The following MALRD1 variants were observed in gnomAD, a reference collection of about 807,000 sequenced individuals.
MALRD1 encodes MAM and LDL-receptor class A domain-containing protein 1.
A neutral mutation model predicts 242.1 loss-of-function variants in MALRD1; 247 were observed. The observed-to-expected ratio is 1.02, with a 90% CI of 0.92 to 1.13. MALRD1 has a LOEUF of 1.13. Among genes scored for constraint, MALRD1 ranks in the 50% most tolerant of loss-of-function variants. The pLI is 0.00. For missense variants in MALRD1, 2,989 were observed against 2,533.1 expected (o/e 1.18, Z -3.86); for synonymous variants, 995 against 866.6 (o/e 1.15, Z -2.60).
At chr10:19,480,588 T>G (rs1049746605) in intron 29 of MALRD1, among the ~76,000 whole-genome samples, 37 of 152,210 alleles carry the variant, frequency 2.4e-4, no homozygotes, top group Admixed American at 9.8e-4. Context: ...GACATTTATT[T>G]TAAAATGGTA....
At chr10:19,564,793 G>C (rs1359279376) in intron 32 of MALRD1, among the ~76,000 whole-genome samples, 1 of 152,058 alleles carries the variant, frequency 6.6e-6, no homozygotes, top group Non-Finnish European at 1.5e-5. Flanking sequence ...ACATTTAAAA[G>C]TTATTAAAAT....
chr10:19,340,257 C>G (rs1176863995), intron 24 of MALRD1, among the ~76,000 whole-genome samples: 2 of 152,102 alleles, frequency 1.3e-5, no homozygotes, highest in Non-Finnish European at 2.9e-5. Flanking sequence ...AAACATTTAT[C>G]CCATGTGTTA....
chr10:19,156,480 G>C (rs1233258288), intron 12 of MALRD1, among the ~76,000 whole-genome samples: 4 of 86,388 alleles, frequency 4.6e-5, no homozygotes, highest in Non-Finnish European at 9.6e-5. Context: ...TTTTTTTTTT[G>C]AGGGGAAACT....
chr10:19,583,686 T>C (rs1589266656), intron 33 of MALRD1, among the ~76,000 whole-genome samples: 1 of 152,178 alleles, frequency 6.6e-6, no homozygotes, highest in Non-Finnish European at 1.5e-5. Context: ...TAAAATTCTC[T>C]TTTTTGGTTG....
chr10:19,625,884 T>C (rs1473611719), intron 36 of MALRD1, among the ~76,000 whole-genome samples: 3 of 152,086 alleles, frequency 2.0e-5, no homozygotes, highest in Non-Finnish European at 4.4e-5. Flanking sequence ...CAGAACAAAT[T>C]ATCAAAATTT....
At chr10:19,235,776 G>A (rs1838292527) in intron 18 of MALRD1, among the ~76,000 whole-genome samples, 1 of 152,094 alleles carries the variant, frequency 6.6e-6, no homozygotes, top group Admixed American at 6.6e-5. Context: ...GATTCTGGTG[G>A]GAATAACAGG....
At chr10:19,320,815 G>A (rs765614742) in intron 21 of MALRD1, among the ~76,000 whole-genome samples, 31 of 151,720 alleles carry the variant, frequency 2.0e-4, no homozygotes, top group African/African-American at 6.5e-4. Flanking sequence ...TTTGCATTTC[G>A]CTAATGACCT....
At position 19,695,365 on chromosome 10, in the gene MALRD1, T is replaced by C. The variant is rs191598135; in HGVS notation, c.6314+2811T>C. ...GGAAATTATTTCTTTGCTTACGCAG[T>C]GTATTAGCCTTTTCTCACACTGCTA... On this transcript the variant is annotated intron_variant, in intron 38 of 39. Transcript: ENST00000454679. 2.7e-3 allele frequency among the ~76,000 whole-genome samples: 405 copies of C among 152,270 alleles called. 1 individual carries two copies. Among genetic ancestry groups the C allele is most frequent in the African/African-American group, 9.4e-3 (390 of 41,566 alleles).
intron 14 of MALRD1, among the ~76,000 whole-genome samples, chr10:19,180,883 T>A (rs1395337227): frequency 6.6e-6 from 1 of 151,962 alleles, no homozygotes; most frequent in Non-Finnish European, 1.5e-5. Flanking sequence ...GATAAATAGA[T>A]AAAAAATGGG....
intron 6 of MALRD1, 135 bp downstream of exon 6, chr10:19,123,728 G>A (rs974570625): frequency 1.6e-5 from 7 of 439,340 alleles, no homozygotes; most frequent in African/African-American, 1.4e-4. Flanking sequence ...TTTTTGGGAG[G>A]CTGTGGTGGT....
At chr10:19,480,179 G>A (rs757281219) in intron 29 of MALRD1, among the ~76,000 whole-genome samples, 18 of 152,220 alleles carry the variant, frequency 1.2e-4, no homozygotes, top group Non-Finnish European at 2.6e-4. Flanking sequence ...CAGGAGTAGA[G>A]AATGATAAAC....
chr10:19,451,006 A>G (rs189834951), intron 29 of MALRD1, among the ~76,000 whole-genome samples: 1 of 152,328 alleles, frequency 6.6e-6, no homozygotes, highest in Admixed American at 6.5e-5. Context: ...ATTTCAACAT[A>G]TGAATGAAGG....
chr10:19,706,826 C>T (rs1833888099), intron 38 of MALRD1, among the ~76,000 whole-genome samples: 1 of 151,986 alleles, frequency 6.6e-6, no homozygotes, highest in Admixed American at 6.6e-5. Flanking sequence ...TATGTTTGAC[C>T]ACACTGGAGC....
chr10:19,577,212 C>T lies in MALRD1; in HGVS notation c.5680+9509C>T, dbSNP rs540200403. ...TGAATAGTGATAAATGTATAAAAGC[C>T]GAAAGGAAATGATTATCAGGCAATC... On this transcript the variant is annotated intron_variant, in intron 33 of 39. Transcript: ENST00000454679. 1.3e-4 allele frequency among the ~76,000 whole-genome samples: 20 copies of T among 151,684 alleles called. No individual in the cohort carries two copies. The South Asian group carries it at 2.5e-3, about 19-fold the overall frequency.
At chr10:19,629,502 T>C (rs139828678) in intron 36 of MALRD1, among the ~76,000 whole-genome samples, 1 of 152,272 alleles carries the variant, frequency 6.6e-6, no homozygotes, top group Non-Finnish European at 1.5e-5. Context: ...GCTCACTCCA[T>C]CACCCATCCT....
At chr10:19,642,141 A>G (rs1196230599) in intron 36 of MALRD1, among the ~76,000 whole-genome samples, 4 of 152,158 alleles carry the variant, frequency 2.6e-5, no homozygotes, top group South Asian at 2.1e-4. Flanking sequence ...AGCAGAACAT[A>G]TATTTTGCTT....
At chr10:19,125,349 CT>C (rs1564408055) in intron 7 of MALRD1, among the ~76,000 whole-genome samples, 8 of 101,690 alleles carry the variant, frequency 7.9e-5, no homozygotes, top group African/African-American at 3.2e-4. Context: ...TTCTTTCTTT[CT>C]TTCTTTCTTT....
intron 19 of MALRD1, among the ~76,000 whole-genome samples, chr10:19,260,537 G>C (rs912215733): frequency 1.3e-5 from 2 of 152,190 alleles, no homozygotes; most frequent in Admixed American, 6.5e-5. Flanking sequence ...GGGCAGAGAA[G>C]TATTTTCCAC....
chr10:19,565,955 A>ATTT (rs1836229970), intron 32 of MALRD1, among the ~76,000 whole-genome samples: 1 of 151,952 alleles, frequency 6.6e-6, no homozygotes. Flanking sequence ...TAACATCTCG[A>ATTT]TTTCTGAAAT....
Sources: allele counts gnomAD v4.1 joint callset (sites outside exome capture counted in the v4.1 genomes callset), GRCh38; gene constraint gnomAD v4.1.1; transcripts MANE v1.5; gene names NCBI Gene and HGNC (gene_info 2026-07-23, HGNC 2026-07-21).